Variants in SSBP3 observed in about 807,000 individuals in gnomAD.
SSBP3 encodes the protein single stranded DNA binding protein 3.
In SSBP3, 5 loss-of-function variants were observed where a neutral mutation model predicts 69.6. The observed-to-expected ratio is 0.07, with a 90% CI of 0.04 to 0.15. The LOEUF (loss-of-function observed/expected upper bound fraction) is 0.15, where lower values mean the gene tolerates loss of function less well. Ranked by LOEUF, SSBP3 falls within the 10% of genes least tolerant of loss-of-function variation. The pLI is 1.00. For missense variants in SSBP3, 312 were observed against 534.0 expected (o/e 0.58, Z 4.10); for synonymous variants, 196 against 193.4 (o/e 1.01, Z -0.11).
chr1:54,364,879 T>C (rs1325295068), intron 4 of SSBP3, among the ~76,000 whole-genome samples: 2 of 152,200 alleles, frequency 1.3e-5, no homozygotes, highest in African/African-American at 2.4e-5. Context: ...CACACAACTC[T>C]GCCCGTGAAT....
rs1484524412 is a variant in SSBP3 at position 54,404,946 on chromosome 1, G to A, written c.57-16C>T. The stretch of plus-strand genomic sequence containing the variant: ...TAAAGCTAACCTGGAAAGTGGACAG[G>A]GGGCAAAGAGAGAGAGGGAAAGGCG... On this transcript the variant is annotated splice_polypyrimidine_tract_variant and intron_variant, in intron 1 of 17. Coordinates refer to ENST00000610401, the Ensembl canonical transcript of SSBP3. 6.8e-6 allele frequency: 11 copies of A among 1,609,754 alleles called. No individual in the cohort carries two copies. Among genetic ancestry groups the A allele is most frequent in the Admixed American group, 5.0e-5 (3 of 59,890 alleles).
chr1:54,279,855 A>G (rs3753407), intron 5 of SSBP3, among the ~76,000 whole-genome samples: 20,727 of 152,158 alleles, frequency 0.14, 1,522 homozygotes, highest in Middle Eastern at 0.21. Context: ...TGGGTCCATG[A>G]GTTTCCAGTA....
At chr1:54,240,063 T>G (rs1557448299) in intron 13 of SSBP3, among the ~76,000 whole-genome samples, 1 of 25,928 alleles carries the variant, frequency 3.9e-5, no homozygotes. Context: ...TGTGTGTGTG[T>G]GTGTGTGTGT....
chr1:54,380,667 C>T (rs1274729240), intron 4 of SSBP3, among the ~76,000 whole-genome samples: 1 of 152,178 alleles, frequency 6.6e-6, no homozygotes, highest in African/African-American at 2.4e-5. Context: ...CTCGCTGACT[C>T]ACCGGAAAAG....
intron 4 of SSBP3, chr1:54,285,526 T>C (rs569989718): frequency 6.6e-6 from 1 of 152,062 alleles, no homozygotes; most frequent in Admixed American, 6.6e-5. Flanking sequence ...ATTATTATTA[T>C]TATAATTAGA....
intron 5 of SSBP3, among the ~76,000 whole-genome samples, chr1:54,266,634 ACCT>A (rs1645107447): frequency 6.6e-6 from 1 of 152,228 alleles, no homozygotes; most frequent in Non-Finnish European, 1.5e-5. Flanking sequence ...TTTGATTTTA[ACCT>A]CACATTTCTC....
At chr1:54,286,201 C>T (rs964923365) in intron 4 of SSBP3, 1 of 152,198 alleles carries the variant, frequency 6.6e-6, no homozygotes, top group Admixed American at 6.5e-5. Context: ...CCCAGGCCTT[C>T]CTTCCTCACC....
chr1:54,242,215 G>T lies in SSBP3; in HGVS notation c.717-3C>A, dbSNP rs771053646. 8 of 1,613,742 alleles carry T rather than the reference G, an allele frequency of 5.0e-6. No individual in the cohort carries two copies. The African/African-American group carries it at 5.3e-5, about 11-fold the overall frequency. On this transcript the variant is annotated splice_polypyrimidine_tract_variant and splice_region_variant and intron_variant, in intron 10 of 17. Transcript: ENST00000610401. ...AGGGTCTGCCAGCTCCCGGGCCCCT[G>T]AGAGAGGGAGAAAGAGATGTGGACA...
chr1:54,290,020 G>A (rs1045265650), intron 4 of SSBP3, among the ~76,000 whole-genome samples: 2 of 152,200 alleles, frequency 1.3e-5, no homozygotes, highest in African/African-American at 4.8e-5. Context: ...GAGGCTCTGA[G>A]GAGTAAAGGC....
At chr1:54,251,478 G>A (rs971610783) in intron 9 of SSBP3, 138 bp downstream of exon 9, 78 of 956,634 alleles carry the variant, frequency 8.2e-5, no homozygotes, top group Middle Eastern at 3.1e-4. Context: ...GCGGACAGGA[G>A]CAGGGGATGC....
chr1:54,290,820 CT>C (rs2100942173), intron 4 of SSBP3, among the ~76,000 whole-genome samples: 1 of 152,332 alleles, frequency 6.6e-6, no homozygotes. Context: ...AGGATCCCCC[CT>C]AGATGAACAC....
upstream of SSBP3, among the ~76,000 whole-genome samples, chr1:54,410,929 C>A (rs1011473689): frequency 6.6e-6 from 1 of 151,946 alleles, no homozygotes; most frequent in Non-Finnish European, 1.5e-5. Flanking sequence ...GGAAATGTTT[C>A]GAAAATTGAA....
At chr1:54,274,654 C>T (rs1645252907) in intron 5 of SSBP3, among the ~76,000 whole-genome samples, 1 of 152,192 alleles carries the variant, frequency 6.6e-6, no homozygotes, top group African/African-American at 2.4e-5. Flanking sequence ...GCCGCCACTC[C>T]TGCTCGGGCC....
At chr1:54,264,976 A>C (rs1444751800) in intron 5 of SSBP3, among the ~76,000 whole-genome samples, 1 of 152,198 alleles carries the variant, frequency 6.6e-6, no homozygotes, top group Non-Finnish European at 1.5e-5. Context: ...GTGTTGCTTT[A>C]ATTGAGTGAA....
chr1:54,304,716 G>GA (rs1057320727), intron 4 of SSBP3, among the ~76,000 whole-genome samples: 7 of 152,198 alleles, frequency 4.6e-5, no homozygotes, highest in African/African-American at 1.4e-4. Flanking sequence ...GCTAGACAAG[G>GA]AACACTGCTG....
intron 4 of SSBP3, among the ~76,000 whole-genome samples, chr1:54,387,369 G>C (rs183909663): frequency 6.6e-6 from 1 of 152,188 alleles, no homozygotes; most frequent in Non-Finnish European, 1.5e-5. Flanking sequence ...GCCTCTTCAA[G>C]AAAGGAAGGA....
intron 4 of SSBP3, among the ~76,000 whole-genome samples, chr1:54,289,878 C>G: frequency 6.6e-6 from 1 of 152,080 alleles, no homozygotes; most frequent in South Asian, 2.1e-4. Flanking sequence ...CCCCCACAGG[C>G]GAGGAGCCAG....
At chr1:54,341,778 G>C (rs938050984) in intron 4 of SSBP3, among the ~76,000 whole-genome samples, 6 of 152,044 alleles carry the variant, frequency 3.9e-5, no homozygotes, top group Non-Finnish European at 8.8e-5. Flanking sequence ...CAGCCAGCGG[G>C]CCGGACAGGG....
At position 54,342,692 on chromosome 1, in the gene SSBP3, A is replaced by G. The variant is rs1646629579; in HGVS notation, c.276+59169T>C. Among the ~76,000 whole-genome samples the G allele has an allele frequency of 2.0e-5, 3 of 152,240 alleles. No homozygotes were observed. The South Asian group carries it at 6.2e-4, about 32-fold the overall frequency. On this transcript the variant is annotated intron_variant, in intron 4 of 17. Transcript: ENST00000610401. ...CCTCTTAGCAGCCTTGAAACCTTGG[A>G]CAAGAAAGAAGCTAACCTCCCTGAA... is the stretch of plus-strand genomic sequence containing the variant.
Sources: allele counts gnomAD v4.1 joint callset (sites outside exome capture counted in the v4.1 genomes callset), GRCh38; gene constraint gnomAD v4.1.1; transcripts MANE v1.5; gene names NCBI Gene and HGNC (gene_info 2026-07-23, HGNC 2026-07-21).